FGGY: variants seen among roughly 807,000 people sequenced by gnomAD.
FGGY encodes the protein FGGY carbohydrate kinase domain-containing protein.
In FGGY, 72 loss-of-function variants were observed where a neutral mutation model predicts 71.3. That is an observed-to-expected ratio of 1.01 (90% CI 0.84 to 1.23). The LOEUF (loss-of-function observed/expected upper bound fraction) is 1.23. Ranked by LOEUF, FGGY falls within the 50% of genes most tolerant of loss-of-function variation. The pLI is 0.00. For synonymous variants in FGGY, 251 were observed against 250.3 expected, an observed-to-expected ratio of 1.00 and a Z score of -0.02; for missense variants, 668 against 682.3, an observed-to-expected ratio of 0.98 and a Z score of 0.23.
intron 14 of FGGY, among the ~76,000 whole-genome samples, chr1:59,707,210 T>C (rs1410992207): frequency 6.6e-6 from 1 of 152,210 alleles, no homozygotes; most frequent in Non-Finnish European, 1.5e-5. Context: ...GGATAGGTAC[T>C]ATTATTTCCA....
chr1:59,555,068 T>C (rs2095663565), intron 8 of FGGY, among the ~76,000 whole-genome samples: 1 of 152,154 alleles, frequency 6.6e-6, no homozygotes, highest in Admixed American at 6.6e-5. Flanking sequence ...CCCCTGAGCC[T>C]TTTTACCATC....
intron 7 of FGGY, among the ~76,000 whole-genome samples, chr1:59,536,407 G>A (rs1267772546): frequency 6.6e-6 from 1 of 152,210 alleles, no homozygotes; most frequent in African/African-American, 2.4e-5. Flanking sequence ...GGTACAAGGA[G>A]TAAGTGGTAC....
At chr1:59,302,220 G>T (rs1241687080) in intron 1 of FGGY, among the ~76,000 whole-genome samples, 1 of 151,728 alleles carries the variant, frequency 6.6e-6, no homozygotes, top group Non-Finnish European at 1.5e-5. Flanking sequence ...CCTTATGATG[G>T]ATATTGATCT....
intron 7 of FGGY, among the ~76,000 whole-genome samples, chr1:59,530,962 G>A (rs1420557795): frequency 2.0e-5 from 3 of 152,336 alleles, no homozygotes; most frequent in Non-Finnish European, 2.9e-5. Flanking sequence ...GGCCAGAACT[G>A]ACGCAGTTCC....
intron 14 of FGGY, among the ~76,000 whole-genome samples, chr1:59,705,158 A>G (rs536208126): frequency 1.3e-5 from 2 of 152,228 alleles, no homozygotes; most frequent in Admixed American, 6.5e-5. Context: ...CTACATACCA[A>G]TTCTTTATCT....
At chr1:59,674,165 C>T (rs751034254) in intron 14 of FGGY, 32 bp downstream of exon 14, 2 of 1,556,822 alleles carry the variant, frequency 1.3e-6, no homozygotes, top group Non-Finnish European at 1.8e-6. Flanking sequence ...GGCTGTGGCT[C>T]CTCCCCTGTC....
At chr1:59,582,001 C>T (rs898844286) in intron 8 of FGGY, among the ~76,000 whole-genome samples, 1 of 149,858 alleles carries the variant, frequency 6.7e-6, no homozygotes, top group Non-Finnish European at 1.5e-5. Flanking sequence ...AAAGATCATT[C>T]AGCCTGTAAT....
At chr1:59,529,067 G>A (rs74644812) in intron 7 of FGGY, among the ~76,000 whole-genome samples, 14,062 of 152,172 alleles carry the variant, frequency 0.092, 1,508 homozygotes, top group African/African-American at 0.27. Flanking sequence ...TCATCTCTGT[G>A]TCTCTTAGCT....
At chr1:59,318,133 T>C (rs2045784694) in intron 1 of FGGY, among the ~76,000 whole-genome samples, 1 of 152,240 alleles carries the variant, frequency 6.6e-6, no homozygotes, top group Non-Finnish European at 1.5e-5. Context: ...CCTAGTAATA[T>C]GGCATACTGG....
chr1:59,583,870 A>T (rs1387984442), intron 8 of FGGY, among the ~76,000 whole-genome samples: 1 of 142,520 alleles, frequency 7.0e-6, no homozygotes, highest in East Asian at 2.1e-4. Context: ...AATGAGAGAG[A>T]GATGACCGTG....
chr1:59,496,315 G>A (rs1329651557), intron 6 of FGGY, among the ~76,000 whole-genome samples: 5 of 152,088 alleles, frequency 3.3e-5, no homozygotes, highest in Non-Finnish European at 7.4e-5. Flanking sequence ...AGAAAATATG[G>A]CACATGTATA....
intron 7 of FGGY, among the ~76,000 whole-genome samples, chr1:59,535,189 C>G (rs1214503850): frequency 1.3e-5 from 2 of 151,880 alleles, no homozygotes; most frequent in African/African-American, 4.8e-5. Flanking sequence ...ATCCTAGTCT[C>G]TGATAAAACA....
At chr1:59,633,643 GAA>G (rs2096929546) in intron 10 of FGGY, among the ~76,000 whole-genome samples, 1 of 152,206 alleles carries the variant, frequency 6.6e-6, no homozygotes, top group South Asian at 2.1e-4. Context: ...AAAGAGTACA[GAA>G]AGCCTGATTG....
intron 8 of FGGY, among the ~76,000 whole-genome samples, chr1:59,588,338 G>A (rs576443141): frequency 1.1e-4 from 16 of 152,042 alleles, no homozygotes; most frequent in African/African-American, 3.1e-4. Flanking sequence ...TGAAAGTGAC[G>A]GAGAGAATGG....
rs1230194151 is a variant in FGGY at position 59,608,424 on chromosome 1, C to T, written c.1011+514C>T. ...GGCTTCTTTCCCTGCTTGGGGAGTT[C>T]TTTACCACCTCAATAATTTTACTTG... On this transcript the variant is annotated intron_variant, in intron 9 of 15. Coordinates refer to ENST00000303721, the MANE Select transcript of FGGY (RefSeq NM_018291.5). Among the ~76,000 whole-genome samples the T allele has an allele frequency of 2.0e-5, 3 of 152,252 alleles. No homozygotes were observed. In the East Asian group the frequency reaches 5.8e-4, roughly 29 times the overall value.
At chr1:59,536,035 A>T (rs1182143720) in intron 7 of FGGY, among the ~76,000 whole-genome samples, 1 of 151,348 alleles carries the variant, frequency 6.6e-6, no homozygotes, top group African/African-American at 2.4e-5. Flanking sequence ...AAAATTAATG[A>T]ATCCAGGAGC....
At chr1:59,623,012 A>G (rs114458642) in intron 9 of FGGY, among the ~76,000 whole-genome samples, 2,423 of 152,258 alleles carry the variant, frequency 0.016, 77 homozygotes, top group African/African-American at 0.056. Context: ...TGAGGAGTGG[A>G]AAATAATGAT....
At position 59,581,740 on chromosome 1, in the gene FGGY, A is replaced by G. The variant is rs979752854; in HGVS notation, c.904-26063A>G. 2.7e-4 allele frequency among the ~76,000 whole-genome samples: 41 copies of G among 150,044 alleles called. 3 individuals carry two copies. The highest frequency in any genetic ancestry group is 1.0e-3 in the African/African-American group (41 of 39,730). On this transcript the variant is annotated intron_variant, in intron 8 of 15. Transcript: ENST00000303721. ...AATCTTTATAGTGACCCTAAAATGC[A>G]TTGTTATCCCTTAGTTATAGATGAG... is the stretch of plus-strand genomic sequence containing the variant.
At chr1:59,547,705 A>G (rs2095548428) in intron 7 of FGGY, among the ~76,000 whole-genome samples, 1 of 152,190 alleles carries the variant, frequency 6.6e-6, no homozygotes, top group African/African-American at 2.4e-5. Context: ...TTTACCAGTG[A>G]TTTTTGACAA....
Sources: allele counts gnomAD v4.1 joint callset (sites outside exome capture counted in the v4.1 genomes callset), GRCh38; gene constraint gnomAD v4.1.1; transcripts MANE v1.5; gene names NCBI Gene and HGNC (gene_info 2026-07-23, HGNC 2026-07-21).